The following MACROD2 variants were observed in gnomAD, a reference collection of about 807,000 sequenced individuals.
MACROD2 encodes the protein ADP-ribose glycohydrolase MACROD2.
In MACROD2, 36 loss-of-function variants were observed where a neutral mutation model predicts 70.4. That is an observed-to-expected ratio of 0.51 (90% CI 0.39 to 0.68). The LOEUF is 0.68. MACROD2 is among the 30% of genes least tolerant of loss of function. The pLI is 0.00. For synonymous variants in MACROD2, 172 were observed against 178.8 expected (o/e 0.96, Z 0.30); for missense variants, 496 against 538.4 (o/e 0.92, Z 0.78).
chr20:14,749,264 C>A (rs2071838760), intron 5 of MACROD2, among the ~76,000 whole-genome samples: 1 of 152,014 alleles, frequency 6.6e-6, no homozygotes, highest in Non-Finnish European at 1.5e-5. Context: ...CCTCCTACTC[C>A]CTTGTATTTG....
At chr20:15,398,901 C>T (rs1007392142) in intron 6 of MACROD2, among the ~76,000 whole-genome samples, 2 of 152,138 alleles carry the variant, frequency 1.3e-5, no homozygotes, top group Non-Finnish European at 2.9e-5. Context: ...ACTGAAGCCT[C>T]AAATTCCTGG....
intron 4 of MACROD2, among the ~76,000 whole-genome samples, chr20:14,682,238 T>C (rs2070941105): frequency 6.6e-6 from 1 of 152,104 alleles, no homozygotes; most frequent in Non-Finnish European, 1.5e-5. Context: ...ACTAATTACC[T>C]CTTTGCCAAG....
At chr20:15,473,589 G>T (rs908539361) in intron 7 of MACROD2, among the ~76,000 whole-genome samples, 2 of 152,118 alleles carry the variant, frequency 1.3e-5, no homozygotes, top group Non-Finnish European at 2.9e-5. Flanking sequence ...GCCATCCCTG[G>T]TCCCATTTTC....
intron 4 of MACROD2, among the ~76,000 whole-genome samples, chr20:14,586,339 A>G (rs1156676737): frequency 6.6e-6 from 1 of 151,988 alleles, no homozygotes; most frequent in African/African-American, 2.4e-5. Context: ...ATATTCTTAG[A>G]ATGTTCTAGA....
Position 14,006,301 on chromosome 20 carries a change from C to CA in MACROD2, c.163+3899dup, listed in dbSNP as rs138582070. On this transcript the variant is annotated intron_variant, in intron 2 of 17. Coordinates refer to ENST00000684519, the MANE Select transcript of MACROD2 (RefSeq NM_001351661.2). ...ATTGTTAAGCAATGCCTGACTGTAG[C>CA]AATGCATCCATTACCCAGTTTCAAC... Among the ~76,000 whole-genome samples, 890 of 152,262 alleles carry CA rather than the reference C, an allele frequency of 5.8e-3. 8 individuals carry two copies. The highest frequency in any genetic ancestry group is 0.021 in the African/African-American group (863 of 41,554).
chr20:14,944,186 G>GAAAGTGGAAGAGGA (rs1273243936), intron 5 of MACROD2, among the ~76,000 whole-genome samples: 1 of 152,094 alleles, frequency 6.6e-6, no homozygotes, highest in Non-Finnish European at 1.5e-5. Context: ...AGAAGAATGA[G>GAAAGTGGAAGAGGA]AAAGTGGAAG....
intron 15 of MACROD2, among the ~76,000 whole-genome samples, chr20:16,027,877 G>T (rs1478025537): frequency 1.3e-5 from 2 of 152,176 alleles, no homozygotes; most frequent in Admixed American, 1.3e-4. Context: ...ATCAGCTCTG[G>T]CAGCCCCCAG....
chr20:14,190,728 T>TTCC lies in MACROD2; in HGVS notation c.271+105000_271+105001insTCC, dbSNP rs765628902. On this transcript the variant is annotated intron_variant, in intron 3 of 17. Transcript: ENST00000684519. Reference sequence around the variant, plus strand: ...TTTTTTTTTTTTTTTTTTTTTTTTTTCCAGAGTCTTGTTCTGTCACCCAGG... The same window carrying TTCC: ...TTTTTTTTTTTTTTTTTTTTTTTTTTTCCCCAGAGTCTTGTTCTGTCACCCAGG... Among the ~76,000 whole-genome samples the TTCC allele has an allele frequency of 2.2e-4, 16 of 71,666 alleles. 1 individual carries two copies. Among genetic ancestry groups the TTCC allele is most frequent in the South Asian group, 4.9e-4 (1 of 2,060 alleles). 47.0% of individuals were successfully genotyped at this position (71,666 alleles called of 152,430 possible).
At chr20:14,881,053 C>A (rs962208771) in intron 5 of MACROD2, among the ~76,000 whole-genome samples, 2 of 152,106 alleles carry the variant, frequency 1.3e-5, no homozygotes, top group African/African-American at 4.8e-5. Flanking sequence ...CCAATTAGGG[C>A]CTACATGGCC....
chr20:15,706,873 C>T (rs1278813533), intron 8 of MACROD2, among the ~76,000 whole-genome samples: 4 of 152,092 alleles, frequency 2.6e-5, no homozygotes, highest in African/African-American at 9.7e-5. Context: ...ACTGACATCA[C>T]AGGAAGATTT....
chr20:15,283,344 A>G (rs1457227241), intron 6 of MACROD2, among the ~76,000 whole-genome samples: 1 of 152,180 alleles, frequency 6.6e-6, no homozygotes, highest in Non-Finnish European at 1.5e-5. Flanking sequence ...TATTCTTTAT[A>G]GAAGAGAAAA....
At chr20:15,537,156 A>G (rs567632123) in intron 8 of MACROD2, among the ~76,000 whole-genome samples, 32 of 152,264 alleles carry the variant, frequency 2.1e-4, no homozygotes, top group Non-Finnish European at 2.6e-4. Context: ...GTGGTAGTGA[A>G]TAAGTCTCAC....
At chr20:15,471,590 T>A (rs973353068) in intron 7 of MACROD2, among the ~76,000 whole-genome samples, 1 of 152,228 alleles carries the variant, frequency 6.6e-6, no homozygotes, top group African/African-American at 2.4e-5. Context: ...ACTGCTGACC[T>A]GACCTTCTGC....
At chr20:14,725,229 G>A (rs992755572) in intron 5 of MACROD2, among the ~76,000 whole-genome samples, 7 of 152,178 alleles carry the variant, frequency 4.6e-5, no homozygotes, top group Non-Finnish European at 1.0e-4. Context: ...CTTGTTAACA[G>A]CTACTTCAGG....
intron 10 of MACROD2, among the ~76,000 whole-genome samples, chr20:15,920,707 A>C (rs532444312): frequency 2.0e-5 from 3 of 152,320 alleles, no homozygotes; most frequent in African/African-American, 7.2e-5. Flanking sequence ...TTTAGCCGGC[A>C]AATGATGAAG....
chr20:15,047,432 AG>A (rs1181572402), intron 5 of MACROD2, among the ~76,000 whole-genome samples: 2 of 152,242 alleles, frequency 1.3e-5, no homozygotes, highest in Non-Finnish European at 2.9e-5. Flanking sequence ...AAAAAAATAC[AG>A]GACACTTATG....
intron 3 of MACROD2, among the ~76,000 whole-genome samples, chr20:14,196,831 A>G (rs976366257): frequency 6.6e-6 from 1 of 152,228 alleles, no homozygotes; most frequent in African/African-American, 2.4e-5. Context: ...TTTACATAAT[A>G]AAGCTTTGCC....
At chr20:15,428,372 T>A (rs1453187619) in intron 6 of MACROD2, among the ~76,000 whole-genome samples, 1 of 152,122 alleles carries the variant, frequency 6.6e-6, no homozygotes, top group Non-Finnish European at 1.5e-5. Flanking sequence ...AATGTGCCCC[T>A]CTGGCACATT....
intron 5 of MACROD2, among the ~76,000 whole-genome samples, chr20:15,138,066 G>T (rs879412324): frequency 5.3e-5 from 8 of 151,946 alleles, no homozygotes; most frequent in Non-Finnish European, 8.8e-5. Flanking sequence ...TAAAATAATT[G>T]AGTAACCCCT....
Sources: gnomAD v4.1 joint callset for allele counts (sites outside exome capture counted in the v4.1 genomes callset) on GRCh38, gnomAD v4.1.1 for gene constraint, MANE v1.5 for transcripts, NCBI Gene and HGNC (gene_info 2026-07-23, HGNC 2026-07-21) for gene names.